Variants in PIK3C2B observed in about 807,000 individuals in gnomAD.
The protein encoded by PIK3C2B is phosphatidylinositol-4-phosphate 3-kinase catalytic subunit type 2 beta.
In PIK3C2B, 83 loss-of-function variants were observed where a neutral mutation model predicts 184.3. The observed-to-expected ratio is 0.45, with a 90% CI of 0.38 to 0.54. The LOEUF (loss-of-function observed/expected upper bound fraction) is 0.54, where lower values mean the gene tolerates loss of function less well. PIK3C2B is among the 20% of genes least tolerant of loss of function. The pLI, the probability that PIK3C2B is intolerant of heterozygous loss-of-function variation, is 0.00. For missense variants in PIK3C2B, 1,736 were observed against 2,113.5 expected (o/e 0.82, Z 3.50); for synonymous variants, 779 against 837.6 (o/e 0.93, Z 1.21).
chr1:204,425,073 G>C, intron 32 of PIK3C2B, 33 bp from the exon 33 acceptor site: 1 of 1,575,384 alleles, frequency 6.3e-7, no homozygotes, highest in South Asian at 1.1e-5. Context: ...GGGAAGTGGT[G>C]AGAGAAGGAA....
intron 1 of PIK3C2B, among the ~76,000 whole-genome samples, chr1:204,493,491 G>A (rs2010432): frequency 6.9e-6 from 1 of 145,794 alleles, no homozygotes. Context: ...GAGGAGAAAA[G>A]GCAGGCCTGA....
At position 204,456,264 on chromosome 1, in the gene PIK3C2B, T is replaced by C. The variant is rs547889412; in HGVS notation, c.1748-213A>G. The C allele has an allele frequency of 1.6e-5, 7 of 425,898 alleles. No homozygotes were observed. In the South Asian group the frequency reaches 5.4e-4, roughly 33 times the overall value. 26.4% of individuals were successfully genotyped at this position (425,898 alleles called of 1,614,324 possible). ...TTTTCATAAAATGACAGTTATACAA[T>C]GTTAAACATAATCCTTATTTTTACG... is the stretch of plus-strand genomic sequence containing the variant. On this transcript the variant is annotated intron_variant, in intron 10 of 32. Transcript: ENST00000684373.
At chr1:204,443,928 T>C (rs1185533844) in intron 18 of PIK3C2B, 140 bp downstream of exon 18, 1 of 683,246 alleles carries the variant, frequency 1.5e-6, no homozygotes, top group Non-Finnish European at 2.7e-6. Flanking sequence ...GAGGAAAAGA[T>C]GCTGGTCCAA....
intron 2 of PIK3C2B, chr1:204,467,026 C>A: frequency 2.2e-6 from 1 of 462,728 alleles, no homozygotes. Flanking sequence ...CCGGGGAGGA[C>A]CAAGGCCGCA....
chr1:204,464,514 C>A lies in PIK3C2B; in HGVS notation c.1125G>T (p.Glu375Asp). 6.2e-7 allele frequency: 1 copy of A among 1,614,092 alleles called. No homozygotes were observed. Among genetic ancestry groups the A allele is most frequent in the Non-Finnish European group, 8.5e-7 (1 of 1,179,944 alleles). Reference sequence around the variant, plus strand: ...ACAACACAGTCACCTTCAGGTTGACCTCATCCCCGAGGTGCTCTGGGCTAG... The same window carrying A: ...ACAACACAGTCACCTTCAGGTTGACATCATCCCCGAGGTGCTCTGGGCTAG... ...VTPSPEHLGD[E>D]VNLKVTVLCD... Residue 375 changes from glutamate (E) to aspartate (D), a missense_variant, in exon 4 of 33, where the codon GAG becomes GAT. By Grantham distance (45) the Glu-to-Asp change is conservative. Around this residue, in one of 8 missense-constraint regions of PIK3C2B, gnomAD observed 609 missense variants for 699.2 expected, o/e 0.87. Transcript: ENST00000684373.
intron 1 of PIK3C2B, among the ~76,000 whole-genome samples, chr1:204,489,398 C>T (rs1366308574): frequency 3.9e-5 from 6 of 151,912 alleles, no homozygotes; most frequent in African/African-American, 1.2e-4. Context: ...TCTCAAACTC[C>T]TTGGCTCAAG....
At chr1:204,475,122 T>C (rs1656614735) in intron 1 of PIK3C2B, among the ~76,000 whole-genome samples, 1 of 152,160 alleles carries the variant, frequency 6.6e-6, no homozygotes, top group Non-Finnish European at 1.5e-5. Flanking sequence ...TCAAGGCTTT[T>C]TCACAGAACA....
Position 204,470,836 on chromosome 1 carries a change from G to A in PIK3C2B, c.-84-950C>T, listed in dbSNP as rs996186060. 6.6e-5 allele frequency among the ~76,000 whole-genome samples: 10 copies of A among 152,222 alleles called. No individual in the cohort carries two copies. In the South Asian group the frequency reaches 2.1e-3, roughly 32 times the overall value. On this transcript the variant is annotated intron_variant, in intron 1 of 32. Coordinates refer to ENST00000684373, the MANE Select transcript of PIK3C2B (RefSeq NM_001377334.1). ...GAATTATTGACAAATGCAATAACAA[G>A]GCTAATCTTAAAATAGCTTTGCTGA...
intron 1 of PIK3C2B, among the ~76,000 whole-genome samples, chr1:204,484,752 A>T (rs1170307032): frequency 6.6e-6 from 1 of 152,098 alleles, no homozygotes; most frequent in Non-Finnish European, 1.5e-5. Flanking sequence ...AAAAGTGTTT[A>T]AGCTGATGTT....
At chr1:204,425,425 T>C (rs1674692007) in intron 32 of PIK3C2B, among the ~76,000 whole-genome samples, 188 bp downstream of exon 32, 1 of 152,228 alleles carries the variant, frequency 6.6e-6, no homozygotes, top group South Asian at 2.1e-4. Flanking sequence ...TGATAAGCCA[T>C]ATGGTCTATG....
At chr1:204,467,706 G>C (rs1241442085) in intron 2 of PIK3C2B, among the ~76,000 whole-genome samples, 1 of 152,042 alleles carries the variant, frequency 6.6e-6, no homozygotes, top group Admixed American at 6.6e-5. Context: ...ATGGTGGCAG[G>C]TGCCTGTAAT....
intron 5 of PIK3C2B, 41 bp downstream of exon 5, chr1:204,463,971 C>G: frequency 2.5e-6 from 4 of 1,604,330 alleles, no homozygotes; most frequent in Non-Finnish European, 3.4e-6. Flanking sequence ...CACAATCTTA[C>G]TACCAGGAAG....
At chr1:204,425,220 A>T (rs1674683238) in intron 32 of PIK3C2B, among the ~76,000 whole-genome samples, 180 bp from the exon 33 acceptor site, 1 of 152,178 alleles carries the variant, frequency 6.6e-6, no homozygotes, top group Non-Finnish European at 1.5e-5. Context: ...CAAGGGAAGC[A>T]TTAATGAACT....
chr1:204,442,129 T>C (rs538672080), intron 20 of PIK3C2B, among the ~76,000 whole-genome samples: 1 of 152,252 alleles, frequency 6.6e-6, no homozygotes, highest in South Asian at 2.1e-4. Context: ...TAAAAGTCCA[T>C]ACACATTAGG....
In PIK3C2B at chr1:204,469,818, C is replaced by T; in HGVS notation, c.-16G>A. 1 of 1,579,990 alleles carries T rather than the reference C, an allele frequency of 6.3e-7. No homozygotes were observed. The highest frequency in any genetic ancestry group is 8.7e-7 in the Non-Finnish European group (1 of 1,149,412). ...TCGAAGACATGGTGAGGATGGGGGA[C>T]ACAGGCAACAAAGTCTCTACTTCCT... is the stretch of plus-strand genomic sequence containing the variant. On this transcript the variant is annotated 5_prime_UTR_variant, in exon 2 of 33. Transcript: ENST00000684373.
In PIK3C2B at chr1:204,423,035, C is replaced by CCAG. The variant is rs1226140624; in HGVS notation, c.*1816_*1817insCTG. ...CAGAATGTCCTCATTTCACTCTTTT[C>CCAG]CCAATCATGGGAAATATCCAGCCAA... On this transcript the variant is annotated 3_prime_UTR_variant, in exon 33 of 33. Coordinates refer to ENST00000684373, the MANE Select transcript of PIK3C2B (RefSeq NM_001377334.1). 6.6e-6 allele frequency: 1 copy of CCAG among 152,230 alleles called. No homozygotes were observed. Among genetic ancestry groups the CCAG allele is most frequent in the Non-Finnish European group, 1.5e-5 (1 of 68,056 alleles). 9.4% of individuals were successfully genotyped at this position (152,230 alleles called of 1,614,324 possible).
chr1:204,469,515 G>T lies in PIK3C2B; in HGVS notation c.288C>A (p.Leu96=), dbSNP rs1553921. The part of the protein sequence containing the change: ...GSDPTLNYNS[L]SPQEGPPNHS... ...GGTTGGGCGGCCCTTCCTGTGGGGA[G>T]AGTGAGTTGTAGTTAAGGGTAGGAT... The change falls in exon 2 of 33, where the codon CTC becomes CTA. Residue 96 remains leucine, a synonymous_variant. Transcript: ENST00000684373. 1,506,950 of 1,606,138 alleles carry T rather than the reference G, an allele frequency of 0.94. 722,624 individuals are homozygous for T. Among genetic ancestry groups the T allele is most frequent in the Non-Finnish European group, 0.99 (1,158,691 of 1,176,208 alleles).
At chr1:204,457,290 G>C (rs1193871635) in intron 9 of PIK3C2B, among the ~76,000 whole-genome samples, 2 of 152,170 alleles carry the variant, frequency 1.3e-5, no homozygotes, top group Non-Finnish European at 2.9e-5. Flanking sequence ...CCACCCTTCT[G>C]AGATATCCCA....
rs1466291962 is a variant in PIK3C2B, at chr1:204,449,969, C to G, written c.2115G>C (p.Leu705=). The part of the protein sequence containing the change: ...QVNRLPRETL[L]CATLYALPIP... ...TGGGCAGAGCATAGAGAGTGGCACA[C>G]AGCAGTGTCTCCCGAGGCAGCCGGT... Residue 705 remains leucine (L), a synonymous_variant, in exon 13 of 33, where the codon CTG becomes CTC. Coordinates refer to ENST00000684373, the MANE Select transcript of PIK3C2B (RefSeq NM_001377334.1). 6.2e-7 allele frequency: 1 copy of G among 1,605,130 alleles called. No individual in the cohort carries two copies. The highest frequency in any genetic ancestry group is 8.5e-7 in the Non-Finnish European group (1 of 1,175,886).
Sources: gnomAD v4.1 joint callset for allele counts (sites outside exome capture counted in the v4.1 genomes callset) on GRCh38, gnomAD v4.1.1 for gene constraint, gnomAD v4.1.1 regional missense constraint, MANE v1.5 for transcripts, NCBI Gene and HGNC (gene_info 2026-07-23, HGNC 2026-07-21) for gene names.